The following CST8 variants were observed in gnomAD, a reference collection of about 807,000 sequenced individuals.
The protein encoded by CST8 is cystatin-8.
Under a neutral mutation model 11.8 loss-of-function variants are expected in CST8, and 20 were observed. The ratio of observed to expected loss-of-function variants is 1.70; its 90% CI spans 1.20 to 2.47. The LOEUF is 2.47. CST8 is among the 30% of genes most tolerant of loss of function. The pLI is 0.00. For synonymous variants in CST8, 77 were observed against 63.1 expected, an observed-to-expected ratio of 1.22 and a Z score of -1.05; for missense variants, 196 against 167.2, an observed-to-expected ratio of 1.17 and a Z score of -0.95.
the CST8 span, among the ~76,000 whole-genome samples, chr20:23,505,793 T>A: frequency 6.6e-6 from 1 of 152,148 alleles, no homozygotes; most frequent in Non-Finnish European, 1.5e-5. Flanking sequence ...CTCGTGCCCA[T>A]CCTGGACGCA....
the CST8 span, among the ~76,000 whole-genome samples, chr20:23,505,423 C>A: frequency 7.9e-5 from 12 of 152,052 alleles, no homozygotes; most frequent in African/African-American, 2.9e-4. Flanking sequence ...GGGTTACAGG[C>A]GTGAGCCACC....
chr20:23,496,133 G>C (rs1039311825), downstream of CST8: 2 of 528,058 alleles, frequency 3.8e-6, no homozygotes, highest in African/African-American at 4.0e-5. Context: ...CAGCTTGATG[G>C]TCTACCCATC....
downstream of CST8, among the ~76,000 whole-genome samples, chr20:23,497,448 C>T (rs1988076543): frequency 6.6e-6 from 1 of 152,214 alleles, no homozygotes; most frequent in South Asian, 2.1e-4. Flanking sequence ...CCTGAATGGA[C>T]AGGTCATTTG....
At chr20:23,493,373 G>A (rs3004100) in intron 3 of CST8, among the ~76,000 whole-genome samples, 57,295 of 152,038 alleles carry the variant, frequency 0.38, 12,069 homozygotes, top group Non-Finnish European at 0.47. Context: ...ATCACCAAAA[G>A]CCTGTCCTCT....
intron 3 of CST8, 93 bp from the exon 4 acceptor site, chr20:23,495,738 A>G: frequency 1.0e-6 from 1 of 969,294 alleles, no homozygotes; most frequent in Non-Finnish European, 1.6e-6. Context: ...CACACACCTA[A>G]ACTGACACCT....
At chr20:23,502,249 A>G in the CST8 span, among the ~76,000 whole-genome samples, 12 of 152,176 alleles carry the variant, frequency 7.9e-5, no homozygotes, top group South Asian at 8.3e-4. Flanking sequence ...CATGAGACCA[A>G]ATAGTTTGGA....
At chr20:23,497,251 T>A (rs1988070586), downstream of CST8, among the ~76,000 whole-genome samples, 1 of 152,276 alleles carries the variant, frequency 6.6e-6, no homozygotes, top group Non-Finnish European at 1.5e-5. Context: ...TCACAATTTA[T>A]GTTCTTCTGC....
intron 3 of CST8, 53 bp from the exon 4 acceptor site, chr20:23,495,775 CTTT>C (rs11482296): frequency 0.059 from 53,794 of 905,448 alleles, 3 homozygotes; most frequent in Non-Finnish European, 0.067. Flanking sequence ...TTTTTCTTTT[CTTT>C]TTTTTTTTTT....
the CST8 span, among the ~76,000 whole-genome samples, chr20:23,507,004 G>A: frequency 1.3e-5 from 2 of 152,136 alleles, no homozygotes; most frequent in South Asian, 2.1e-4. Flanking sequence ...TTGGGTAACT[G>A]CATGCACATG....
chr20:23,496,133 G>A (rs1039311825), downstream of CST8: 1 of 528,058 alleles, frequency 1.9e-6, no homozygotes, highest in Admixed American at 3.8e-5. Context: ...CAGCTTGATG[G>A]TCTACCCATC....
intron 2 of CST8, 72 bp from the exon 3 acceptor site, chr20:23,492,886 T>C (rs1431604116): frequency 3.1e-6 from 1 of 319,648 alleles, no homozygotes; most frequent in Non-Finnish European, 5.4e-6. Context: ...GTAAGAGTAA[T>C]TTTTTTTTTT....
At chr20:23,502,883 T>G in the CST8 span, among the ~76,000 whole-genome samples, 28 of 152,158 alleles carry the variant, frequency 1.8e-4, no homozygotes, top group Non-Finnish European at 3.2e-4. Context: ...TAGAAAACAG[T>G]TAGGTATCAC....
At chr20:23,494,127 G>C (rs560409573) in intron 3 of CST8, among the ~76,000 whole-genome samples, 2 of 152,082 alleles carry the variant, frequency 1.3e-5, no homozygotes, top group Non-Finnish European at 2.9e-5. Flanking sequence ...TAAATGACCC[G>C]TCAGGACAAA....
the CST8 span, among the ~76,000 whole-genome samples, chr20:23,503,129 A>G: frequency 1.3e-5 from 2 of 152,362 alleles, no homozygotes; most frequent in African/African-American, 2.4e-5. Context: ...AATAAACTTT[A>G]GCAGTAAGTG....
In CST8 at chr20:23,492,829, A is replaced by C. The variant is rs1219884131; in HGVS notation, c.232-129A>C. The C allele has an allele frequency of 5.7e-6, 4 of 696,504 alleles. No homozygotes were observed. The African/African-American group carries it at 7.1e-5, about 12-fold the overall frequency. The allele number at this position is 696,504 out of a possible 1,614,324, so 43.1% of individuals were successfully genotyped here. On this transcript the variant is annotated intron_variant, in intron 2 of 3. Coordinates refer to ENST00000246012, the MANE Select transcript of CST8 (RefSeq NM_005492.4). ...CAGTGGGCATCTTAGCCTTCCGCTA[A>C]AGCTCTGTCTGGGGGTGAGGGAGGA...
chr20:23,491,974 A>T, intron 2 of CST8, 76 bp downstream of exon 2: 3 of 1,143,492 alleles, frequency 2.6e-6, no homozygotes, highest in Non-Finnish European at 3.9e-6. Flanking sequence ...GAGTGGGCAT[A>T]TAAGAAAAAT....
chr20:23,494,930 C>T (rs1987997379), intron 3 of CST8, among the ~76,000 whole-genome samples: 1 of 152,080 alleles, frequency 6.6e-6, no homozygotes. Context: ...GCACAGTACC[C>T]GATATGGTAT....
the CST8 span, among the ~76,000 whole-genome samples, chr20:23,502,040 C>T: frequency 2.6e-5 from 4 of 152,178 alleles, no homozygotes; most frequent in South Asian, 4.1e-4. Context: ...TCTGACAGTT[C>T]AAGACTCAGT....
downstream of CST8, chr20:23,496,025 C>A: frequency 3.6e-6 from 3 of 831,810 alleles, 1 homozygote; most frequent in South Asian, 3.2e-5. Context: ...TGCCTCTCTG[C>A]TTGGTGTTTT....
Sources: gnomAD v4.1 joint callset for allele counts (sites outside exome capture counted in the v4.1 genomes callset) on GRCh38, gnomAD v4.1.1 for gene constraint, MANE v1.5 for transcripts, NCBI Gene and HGNC (gene_info 2026-07-23, HGNC 2026-07-21) for gene names.